Variants in SPTBN2 observed in about 807,000 individuals in gnomAD.
SPTBN2 encodes the protein spectrin beta chain, non-erythrocytic 2.
In SPTBN2, 107 loss-of-function variants were observed where a neutral mutation model predicts 284.2. The observed-to-expected ratio is 0.38, with a 90% CI of 0.32 to 0.44. The LOEUF (loss-of-function observed/expected upper bound fraction) is 0.44, where lower values mean the gene tolerates loss of function less well. Among genes scored for constraint, SPTBN2 ranks in the 20% least tolerant of loss-of-function variants. The pLI, the probability that SPTBN2 is intolerant of heterozygous loss-of-function variation, is 1.00. For missense variants in SPTBN2, 2,569 were observed against 3,287.1 expected (o/e 0.78, Z 5.34); for synonymous variants, 1,289 against 1,354.8 (o/e 0.95, Z 1.07).
intron 21 of SPTBN2, among the ~76,000 whole-genome samples, chr11:66,695,702 CTA>C (rs1940862327): frequency 6.6e-6 from 1 of 152,110 alleles, no homozygotes; most frequent in Admixed American, 6.6e-5. Flanking sequence ...CTGACCCCTG[CTA>C]TAGAGTTCTC....
At chr11:66,692,789 G>T in intron 25 of SPTBN2, 49 bp from the exon 26 acceptor site, 1 of 1,598,734 alleles carries the variant, frequency 6.3e-7, no homozygotes, top group South Asian at 1.1e-5. Context: ...GTGTAGCTCT[G>T]ACCTCCGGTC....
chr11:66,710,498 T>C lies in SPTBN2; in HGVS notation c.1073+84A>G, dbSNP rs568421391. 2.1e-6 allele frequency: 3 copies of C among 1,429,820 alleles called. No homozygotes were observed. Among genetic ancestry groups the C allele is most frequent in the Admixed American group, 2.0e-5 (1 of 51,006 alleles). The allele number at this position is 1,429,820 out of a possible 1,614,324, so 88.6% of individuals were successfully genotyped here. Reference sequence around the variant, plus strand: ...CCACTGCATTTATGTACTGCCAAATTTCCCTCCCTGAAGGCTGTGCTAATT... The same window carrying C: ...CCACTGCATTTATGTACTGCCAAATCTCCCTCCCTGAAGGCTGTGCTAATT... On this transcript the variant is annotated intron_variant, in intron 10 of 37. Transcript: ENST00000533211. This position sits in a 1 kb window ranked among gnomAD's most constrained non-coding sequence, Gnocchi z 4.9.
At chr11:66,738,209 C>T (rs1590998809) in intron 1 of SPTBN2, among the ~76,000 whole-genome samples, 1 of 151,728 alleles carries the variant, frequency 6.6e-6, no homozygotes, top group Non-Finnish European at 1.5e-5. Flanking sequence ...GAGCAAAACT[C>T]GGTCTCAAAA....
chr11:66,735,328 G>A (rs899144960), intron 1 of SPTBN2, among the ~76,000 whole-genome samples: 10 of 149,010 alleles, frequency 6.7e-5, no homozygotes, highest in South Asian at 2.1e-4. Flanking sequence ...GCAAGACACC[G>A]TCTCAAAAAA....
At position 66,700,231 on chromosome 11, in the gene SPTBN2, A is replaced by G. The variant is rs772008647; in HGVS notation, c.3573+295T>C. 6.6e-6 allele frequency among the ~76,000 whole-genome samples: 1 copy of G among 152,064 alleles called. No homozygotes were observed. The highest frequency in any genetic ancestry group is 2.4e-5 in the African/African-American group (1 of 41,384). ...CGGCCTCCCAAAATACTGGGAGTAC[A>G]AGTGTGAGCCATCCTGTCTGGCTCC... is the stretch of plus-strand genomic sequence containing the variant. On this transcript the variant is annotated intron_variant, in intron 17 of 37. Transcript: ENST00000533211. The surrounding 1 kb of genome is among the most constrained non-coding windows in gnomAD (Gnocchi z 6.6).
upstream of SPTBN2, among the ~76,000 whole-genome samples, chr11:66,731,856 T>A (rs1942816349): frequency 6.6e-6 from 1 of 152,160 alleles, no homozygotes; most frequent in Admixed American, 6.6e-5. Context: ...TAATGATGAG[T>A]AAAATGGATA....
chr11:66,695,416 G>A (rs1343983154), intron 21 of SPTBN2, among the ~76,000 whole-genome samples: 2 of 152,058 alleles, frequency 1.3e-5, no homozygotes, highest in East Asian at 3.9e-4. Context: ...CCACCACCAC[G>A]CCCAGCTAAT....
At position 66,685,275 on chromosome 11, in the gene SPTBN2, C is replaced by G. The variant is rs1465575453; in HGVS notation, c.*596G>C. ...GAGAGAAGCTGAGCTGTTTAATCAC[C>G]TCCTTGGCCAGACTCAAGGCGGTGG... On this transcript the variant is annotated 3_prime_UTR_variant, in exon 38 of 38. Transcript: ENST00000533211. The surrounding 1 kb of genome is among the most constrained non-coding windows in gnomAD (Gnocchi z 4.4). The G allele has an allele frequency of 6.2e-6, 1 of 160,742 alleles. No homozygotes were observed. The highest frequency in any genetic ancestry group is 2.4e-5 in the African/African-American group (1 of 41,450). The allele number at this position is 160,742 out of a possible 1,614,324, so 10.0% of individuals were successfully genotyped here.
chr11:66,698,537 C>T (rs1941061116), intron 20 of SPTBN2, 102 bp downstream of exon 20: 2 of 1,560,742 alleles, frequency 1.3e-6, no homozygotes, highest in Admixed American at 1.7e-5. Flanking sequence ...GGCACCAGAA[C>T]CCCACAATCT....
At chr11:66,711,635 A>G (rs1941872849) in intron 8 of SPTBN2, among the ~76,000 whole-genome samples, 2 of 152,202 alleles carry the variant, frequency 1.3e-5, no homozygotes, top group South Asian at 4.1e-4. Context: ...GAGGCTGACC[A>G]TAACTTGAAA....
At chr11:66,699,224 CT>C in intron 18 of SPTBN2, 142 bp from the exon 19 acceptor site, 1 of 1,308,864 alleles carries the variant, frequency 7.6e-7, no homozygotes, top group Non-Finnish European at 1.1e-6. Context: ...TCCTGACTTC[CT>C]TTTAGCCCTG....
At chr11:66,717,116 G>A (rs1039367508) in intron 3 of SPTBN2, among the ~76,000 whole-genome samples, 2 of 152,038 alleles carry the variant, frequency 1.3e-5, no homozygotes, top group Non-Finnish European at 2.9e-5. Flanking sequence ...GTGAGGCCAG[G>A]AAACATGGGG....
rs867366859 is a variant in SPTBN2 at position 66,710,258 on chromosome 11, T to C, written c.1073+324A>G. ...CGGGGTTTCACCATGTTGGCCAGGC[T>C]GGTCTCAAACTCCCGACCTCAGTAG... On this transcript the variant is annotated intron_variant, in intron 10 of 37. Transcript: ENST00000533211. This position sits in a 1 kb window ranked among gnomAD's most constrained non-coding sequence, Gnocchi z 4.9. 1.2e-4 allele frequency among the ~76,000 whole-genome samples: 18 copies of C among 151,700 alleles called. No homozygotes were observed. The highest frequency in any genetic ancestry group is 3.6e-4 in the African/African-American group (15 of 41,290).
chr11:66,703,972 CTTT>C (rs11286358), intron 15 of SPTBN2, among the ~76,000 whole-genome samples: 1 of 109,714 alleles, frequency 9.1e-6, no homozygotes, highest in Non-Finnish European at 1.9e-5. Context: ...TATTTCTTTT[CTTT>C]TTTTTTTTTT....
Position 66,710,725 on chromosome 11 carries a change from G to A in SPTBN2, c.930C>T (p.Tyr310=), listed in dbSNP as rs777432034. The A allele has an allele frequency of 1.1e-5, 18 of 1,614,050 alleles. No homozygotes were observed. Among genetic ancestry groups the A allele is most frequent in the Admixed American group, 5.0e-5 (3 of 60,008 alleles). The stretch of plus-strand genomic sequence containing the variant: ...GCAGCAGCTCCGAGGCCAGGGACTC[G>A]TATTTCTCCACCAGGCGCTCTGCCT... ...AMEAERLVEK[Y]ESLASELLQW... The change falls in exon 10 of 38, where the codon TAC becomes TAT. Residue 310 remains tyrosine (Y), a synonymous_variant. Coordinates refer to ENST00000533211, the MANE Select transcript of SPTBN2 (RefSeq NM_006946.4). The surrounding 1 kb of genome is among the most constrained non-coding windows in gnomAD (Gnocchi z 4.9).
intron 15 of SPTBN2, among the ~76,000 whole-genome samples, chr11:66,703,144 G>A (rs565066530): frequency 2.0e-4 from 31 of 151,446 alleles, no homozygotes; most frequent in South Asian, 6.3e-4. Context: ...GCAGTGGCAC[G>A]ATCTCAGCTC....
chr11:66,698,520 G>C, intron 20 of SPTBN2, 119 bp downstream of exon 20: 1 of 1,460,864 alleles, frequency 6.8e-7, no homozygotes, highest in Non-Finnish European at 9.5e-7. Context: ...TTCCACCATG[G>C]AGCTGTGGCA....
intron 1 of SPTBN2, among the ~76,000 whole-genome samples, chr11:66,723,456 G>A (rs1942508773): frequency 6.6e-6 from 1 of 152,124 alleles, no homozygotes; most frequent in African/African-American, 2.4e-5. Context: ...GCACACAAAG[G>A]CAGAACCTGG....
chr11:66,699,675 C>T, intron 17 of SPTBN2, 67 bp from the exon 18 acceptor site: 2 of 1,535,024 alleles, frequency 1.3e-6, no homozygotes, highest in Admixed American at 1.7e-5. Context: ...GAGGGACCCA[C>T]CCAGGGGCAA....
Sources: gnomAD v4.1 joint callset for allele counts (sites outside exome capture counted in the v4.1 genomes callset) on GRCh38, gnomAD v4.1.1 for gene constraint, Gnocchi (gnomAD v3.1) non-coding constraint, MANE v1.5 for transcripts, NCBI Gene and HGNC (gene_info 2026-07-23, HGNC 2026-07-21) for gene names.